The following CARS2 variants were observed in gnomAD, a reference collection of about 807,000 sequenced individuals.
CARS2 encodes probable cysteine--tRNA ligase, mitochondrial.
CARS2 carries 52 observed loss-of-function variants against 68.8 expected under a neutral mutation model. That is an observed-to-expected ratio of 0.76 (90% CI 0.61 to 0.95). The LOEUF (loss-of-function observed/expected upper bound fraction) is 0.95, where lower values mean the gene tolerates loss of function less well. Ranked by LOEUF, CARS2 falls within the 40% of genes least tolerant of loss-of-function variation. The pLI is 0.00. For missense variants in CARS2, 780 were observed against 754.2 expected (o/e 1.03, Z -0.40); for synonymous variants, 314 against 303.6 (o/e 1.03, Z -0.36).
rs751818646 is a variant in CARS2, at chr13:110,663,798, C to T, written c.920-280G>A. On this transcript the variant is annotated intron_variant, in intron 8 of 14. Coordinates refer to ENST00000257347, the MANE Select transcript of CARS2 (RefSeq NM_024537.4). ...CAGAAGCTAAACAAGAGCCAGCAAC[C>T]GTGGTACTGACAGCAGTATTTCATC... 49 of 1,217,082 alleles carry T rather than the reference C, an allele frequency of 4.0e-5. 1 individual carries two copies. Among genetic ancestry groups the T allele is most frequent in the South Asian group, 1.4e-4 (4 of 29,580 alleles). The allele number at this position is 1,217,082 out of a possible 1,614,324, so 75.4% of individuals were successfully genotyped here.
intron 8 of CARS2, among the ~76,000 whole-genome samples, 187 bp downstream of exon 8, chr13:110,667,153 T>A (rs2062670431): frequency 1.3e-5 from 2 of 152,236 alleles, no homozygotes; most frequent in Admixed American, 6.5e-5. Context: ...CAAAAAGGTA[T>A]AATCATTGCT....
chr13:110,654,921 C>CAAAAAAAAAA (rs34662096), intron 9 of CARS2, among the ~76,000 whole-genome samples: 1 of 83,844 alleles, frequency 1.2e-5, no homozygotes, highest in African/African-American at 4.6e-5. Flanking sequence ...AACCCTCTCT[C>CAAAAAAAAAA]AAAAAAAAAA....
chr13:110,676,638 A>C lies in CARS2; in HGVS notation c.785+336T>G, dbSNP rs1464269431. On this transcript the variant is annotated intron_variant, in intron 7 of 14. Transcript: ENST00000257347. This position sits in a 1 kb window ranked among gnomAD's most constrained non-coding sequence, Gnocchi z 4.0. ...GGATTTGGGGGCTAGAGAAGTGCGA[A>C]GCGAGGAGGGATGTAGGTGCAAGCA... Among the ~76,000 whole-genome samples, 1 of 152,100 alleles carries C rather than the reference A, an allele frequency of 6.6e-6. No homozygotes were observed. The highest frequency in any genetic ancestry group is 1.5e-5 in the Non-Finnish European group (1 of 67,992).
At chr13:110,707,258 G>A (rs1047104630), upstream of CARS2, 16 of 151,472 alleles carry the variant, frequency 1.1e-4, no homozygotes, top group African/African-American at 3.9e-4. Context: ...CACACACCAT[G>A]TCTGCACTCC....
At chr13:110,644,984 G>C (rs1887901363) in intron 12 of CARS2, 1 of 157,394 alleles carries the variant, frequency 6.4e-6, no homozygotes, top group Non-Finnish European at 1.4e-5. Flanking sequence ...GCCACAAGAG[G>C]CCCCTGTTGC....
At chr13:110,652,333 C>T (rs545901255) in intron 9 of CARS2, among the ~76,000 whole-genome samples, 22 of 152,328 alleles carry the variant, frequency 1.4e-4, no homozygotes, top group Non-Finnish European at 2.9e-4. Context: ...CCGGAAACGG[C>T]GGAGTCCAGC....
At chr13:110,680,585 G>A (rs1269484610) in intron 6 of CARS2, among the ~76,000 whole-genome samples, 1 of 150,776 alleles carries the variant, frequency 6.6e-6, no homozygotes, top group Non-Finnish European at 1.5e-5. Context: ...GCCTTCTCCA[G>A]AAATTTAGAA....
chr13:110,666,452 G>A (rs2062650866), intron 8 of CARS2: 32 of 985,364 alleles, frequency 3.2e-5, no homozygotes, highest in Non-Finnish European at 3.7e-5. Flanking sequence ...AGACATAGTA[G>A]GTAATGGTAG....
At chr13:110,673,028 T>C (rs1210649860) in intron 7 of CARS2, among the ~76,000 whole-genome samples, 3 of 152,074 alleles carry the variant, frequency 2.0e-5, no homozygotes, top group Non-Finnish European at 2.9e-5. Context: ...AGAAGTTGAG[T>C]CCCTGAATAG....
chr13:110,688,375 T>G (rs2063366048), intron 3 of CARS2, among the ~76,000 whole-genome samples: 1 of 152,034 alleles, frequency 6.6e-6, no homozygotes, highest in Non-Finnish European at 1.5e-5. Flanking sequence ...TTTGAGACCA[T>G]GAGGTTGAAG....
rs1176009394 is a variant in CARS2, at chr13:110,647,263, G to C, written c.1055-24C>G. 7 of 1,605,964 alleles carry C rather than the reference G, an allele frequency of 4.4e-6. No individual in the cohort carries two copies. In the African/African-American group the frequency reaches 9.4e-5, roughly 21 times the overall value. On this transcript the variant is annotated intron_variant, in intron 10 of 14. Coordinates refer to ENST00000257347, the MANE Select transcript of CARS2 (RefSeq NM_024537.4). ...GGCTGAGGAGGAAGAGATGGTCACT[G>C]AGGCGGTGCCCACCATGCTGTGCCC...
chr13:110,701,302 G>A, intron 3 of CARS2, 136 bp downstream of exon 3: 1 of 597,952 alleles, frequency 1.7e-6, no homozygotes. Context: ...GACCTCAAGT[G>A]ATCCACCTGT....
At chr13:110,641,937 C>G (rs898541769) in intron 14 of CARS2, among the ~76,000 whole-genome samples, 2 of 152,204 alleles carry the variant, frequency 1.3e-5, no homozygotes, top group African/African-American at 4.8e-5. Context: ...CGCAGTGGCT[C>G]ACGCCTGTAA....
At chr13:110,693,133 GAATT>G (rs2063523596) in intron 3 of CARS2, among the ~76,000 whole-genome samples, 1 of 108,288 alleles carries the variant, frequency 9.2e-6, no homozygotes, top group African/African-American at 3.7e-5. Flanking sequence ...AAAAAAAAAA[GAATT>G]AATTTATCTA....
intron 5 of CARS2, among the ~76,000 whole-genome samples, chr13:110,684,620 G>A (rs1333322258): frequency 6.7e-6 from 1 of 149,926 alleles, no homozygotes. Flanking sequence ...CCCTGTCCCT[G>A]CAGCGTCCTC....
chr13:110,694,054 T>C (rs1344754880), intron 3 of CARS2, among the ~76,000 whole-genome samples: 1 of 151,814 alleles, frequency 6.6e-6, no homozygotes, highest in African/African-American at 2.4e-5. Context: ...TGAGATGTAG[T>C]TTTGCTCTTG....
upstream of CARS2, among the ~76,000 whole-genome samples, chr13:110,706,930 A>G (rs2063973436): frequency 6.6e-6 from 1 of 150,734 alleles, no homozygotes. Flanking sequence ...GCACCCCAAT[A>G]CACAGTATGC....
In CARS2 at chr13:110,687,953, G is replaced by A. The variant is rs771694295; in HGVS notation, c.459C>T (p.Ala153=). Residue 153 remains alanine (A), a synonymous_variant, in exon 4 of 15, where the codon GCC becomes GCT. Coordinates refer to ENST00000257347, the MANE Select transcript of CARS2 (RefSeq NM_024537.4). ...AACCAGCCCCACACTTTACCTTCAG[G>A]GCTGCCATGTCCTGCTTGAAGTCTT... The part of the protein sequence containing the change: ...YEEDFKQDMA[A]LKVLPPTVYL... 2 of 1,612,348 alleles carry A rather than the reference G, an allele frequency of 1.2e-6. No individual in the cohort carries two copies. The highest frequency in any genetic ancestry group is 2.7e-5 in the African/African-American group (2 of 74,842).
intron 9 of CARS2, among the ~76,000 whole-genome samples, chr13:110,659,625 C>T (rs1298809957): frequency 1.3e-5 from 2 of 152,162 alleles, no homozygotes; most frequent in Non-Finnish European, 2.9e-5. Flanking sequence ...TCTGGTTTCC[C>T]AGTGCATATA....
Sources: gnomAD v4.1 joint callset for allele counts (sites outside exome capture counted in the v4.1 genomes callset) on GRCh38, gnomAD v4.1.1 for gene constraint, Gnocchi (gnomAD v3.1) non-coding constraint, MANE v1.5 for transcripts, NCBI Gene and HGNC (gene_info 2026-07-23, HGNC 2026-07-21) for gene names.